Variants in PTPRB observed in about 807,000 individuals in gnomAD.
PTPRB encodes the protein receptor-type tyrosine-protein phosphatase beta.
PTPRB carries 97 observed loss-of-function variants against 238.1 expected under a neutral mutation model. The ratio of observed to expected loss-of-function variants is 0.41; its 90% confidence interval spans 0.35 to 0.48. PTPRB has a LOEUF of 0.48. PTPRB is among the 20% of genes least tolerant of loss of function. The pLI is 0.30. For synonymous variants in PTPRB, 970 were observed against 995.4 expected (o/e 0.97, Z 0.48); for missense variants, 2,292 against 2,681.9 (o/e 0.85, Z 3.21).
intron 19 of PTPRB, 57 bp downstream of exon 19, chr12:70,555,813 C>G: frequency 6.3e-7 from 1 of 1,579,120 alleles, no homozygotes; most frequent in Non-Finnish European, 8.6e-7. Context: ...GAGAAAGGTG[C>G]ACAGCCCCTT....
At chr12:70,522,949 G>A (rs577039949) in intron 33 of PTPRB, among the ~76,000 whole-genome samples, 8 of 138,664 alleles carry the variant, frequency 5.8e-5, no homozygotes, top group South Asian at 2.2e-4. Context: ...TGCAACCTTC[G>A]CCTCTCGGGT....
Position 70,581,269 on chromosome 12 carries a change from T to C in PTPRB, c.2345A>G (p.Asn782Ser). 1.2e-6 allele frequency: 2 copies of C among 1,613,904 alleles called. No homozygotes were observed. ...AAACAGACTACTGGTCATTCCTTGG[T>C]TGGCCACATGCAAGTCAGTCACTTG... is the stretch of plus-strand genomic sequence containing the variant. ...PAQVTDLHVA[N>S]QGMTSSLFTN... Residue 782 changes from asparagine to serine, a missense_variant, in exon 10 of 34, where the codon AAC (asparagine) becomes AGC (serine). Around this residue, in one of 4 missense-constraint regions of PTPRB, gnomAD observed 1,205 missense variants for 1,287.8 expected, o/e 0.94. Coordinates refer to ENST00000334414, the MANE Select transcript of PTPRB (RefSeq NM_001109754.4).
chr12:70,626,303 CTATCTATCTATCT>C lies in PTPRB; in HGVS notation c.452-3670_452-3658del, dbSNP rs1566023184. ...GGATGATGTCTATCCATCCATCTATCTATCTATCTATCTATCTATCTATCTATCTATCTATCTA... is the reference window on the plus strand; with the variant it reads ...GGATGATGTCTATCCATCCATCTATCATCTATCTATCTATCTATCTATCTA... On this transcript the variant is annotated intron_variant, in intron 2 of 33. Transcript: ENST00000334414. 3.9e-3 allele frequency among the ~76,000 whole-genome samples: 276 copies of C among 70,990 alleles called. 15 individuals carry two copies. Among genetic ancestry groups the C allele is most frequent in the African/African-American group, 0.014 (245 of 17,698 alleles). The allele number at this position is 70,990 out of a possible 152,430, so 46.6% of individuals were successfully genotyped here.
intron 33 of PTPRB, 55 bp downstream of exon 33, chr12:70,524,414 CAG>C: frequency 1.3e-6 from 2 of 1,523,276 alleles, no homozygotes; most frequent in Non-Finnish European, 1.8e-6. Flanking sequence ...TATGCCTGGC[CAG>C]ATTGACCATA....
At chr12:70,524,125 T>A (rs1871990265) in intron 33 of PTPRB, among the ~76,000 whole-genome samples, 1 of 152,038 alleles carries the variant, frequency 6.6e-6, no homozygotes, top group Non-Finnish European at 1.5e-5. Context: ...TCTTTTTTCT[T>A]AGAGGCAGGA....
rs1878209952 is a variant in PTPRB, at chr12:70,559,685, A to G, written c.4433-61T>C. On this transcript the variant is annotated intron_variant, in intron 17 of 33. Coordinates refer to ENST00000334414, the MANE Select transcript of PTPRB (RefSeq NM_001109754.4). The stretch of plus-strand genomic sequence containing the variant: ...CAGCTATGCCATAACATATACAAAT[A>G]AGATAGCTGAGCAACATCAGACACA... 33 of 1,451,864 alleles carry G rather than the reference A, an allele frequency of 2.3e-5. No homozygotes were observed. In the South Asian group the frequency reaches 3.8e-4, roughly 17 times the overall value. The allele number at this position is 1,451,864 out of a possible 1,614,324, so 89.9% of individuals were successfully genotyped here.
chr12:70,626,115 A>G (rs1050211292), intron 2 of PTPRB, among the ~76,000 whole-genome samples: 2 of 150,918 alleles, frequency 1.3e-5, no homozygotes, highest in African/African-American at 5.0e-5. Context: ...AAGCATGTTG[A>G]AAACAAAATA....
intron 15 of PTPRB, among the ~76,000 whole-genome samples, chr12:70,566,036 G>C (rs537315089): frequency 3.9e-4 from 59 of 152,208 alleles, no homozygotes; most frequent in African/African-American, 1.4e-3. Context: ...AGCTGAAAAA[G>C]GCAAGGAGTG....
At chr12:70,555,584 C>T (rs1408519953) in intron 19 of PTPRB, among the ~76,000 whole-genome samples, 1 of 152,156 alleles carries the variant, frequency 6.6e-6, no homozygotes, top group Non-Finnish European at 1.5e-5. Flanking sequence ...TGCTTAAGAG[C>T]TCCATTATAG....
intron 4 of PTPRB, among the ~76,000 whole-genome samples, chr12:70,606,616 G>T (rs1009023506): frequency 1.3e-5 from 2 of 152,156 alleles, no homozygotes; most frequent in Non-Finnish European, 2.9e-5. Flanking sequence ...TTTGAAGTTT[G>T]TCTGAGTTTG....
chr12:70,588,382 C>T lies in PTPRB; in HGVS notation c.2051-1115G>A, dbSNP rs1279626683. ...GGTGCAGTGCCTCATGCCAGTAATCCCAGCACTTTGGGAGGTTGAGGCGGG... is the reference window on the plus strand; with the variant it reads ...GGTGCAGTGCCTCATGCCAGTAATCTCAGCACTTTGGGAGGTTGAGGCGGG... On this transcript the variant is annotated intron_variant, in intron 8 of 33. Transcript: ENST00000334414. Among the ~76,000 whole-genome samples, 3 of 152,078 alleles carry T rather than the reference C, an allele frequency of 2.0e-5. No individual in the cohort carries two copies. In the South Asian group the frequency reaches 6.2e-4, roughly 32 times the overall value.
rs745519352 is a variant in PTPRB at position 70,544,653 on chromosome 12, G to T, written c.5398C>A (p.Arg1800=). 3 of 1,573,290 alleles carry T rather than the reference G, an allele frequency of 1.9e-6. No homozygotes were observed. The highest frequency in any genetic ancestry group is 2.0e-5 in the Admixed American group (1 of 48,988). ...KPHTAYRISI[R]AFTQLFDEDL... is the part of the protein sequence containing the mutation. ...TCATCAAAGAGCTGTGTAAAAGCTC[G>T]AATGCTGATTCTGAAAAGAAAACCG... The change falls in exon 22 of 34, where the codon CGA becomes AGA. Residue 1800 remains arginine, a synonymous_variant. Coordinates refer to ENST00000334414, the MANE Select transcript of PTPRB (RefSeq NM_001109754.4).
At chr12:70,545,899 G>A (rs1182937367) in intron 21 of PTPRB, among the ~76,000 whole-genome samples, 2 of 152,192 alleles carry the variant, frequency 1.3e-5, no homozygotes, top group Non-Finnish European at 2.9e-5. Flanking sequence ...CACTTTGGGA[G>A]GCCAAGGCAG....
intron 22 of PTPRB, among the ~76,000 whole-genome samples, chr12:70,543,221 G>A (rs544227344): frequency 2.4e-4 from 36 of 152,254 alleles, no homozygotes; most frequent in Admixed American, 1.0e-3. Context: ...TTGTAAAAGT[G>A]TTACTGTGTT....
chr12:70,609,337 A>G lies in PTPRB; in HGVS notation c.711T>C (p.Thr237=). Residue 237 remains threonine (T), a splice_region_variant and synonymous_variant, in exon 4 of 34, where the codon ACT becomes ACC. Transcript: ENST00000334414. The part of the protein sequence containing the change: ...TQPFSSTTEE[T]GLAEPERCNF... ...TACATCTCTCTGGCTCCGCCAGTCC[A>G]GTCTGCAAAGGAATCAGACACAACA... The G allele has an allele frequency of 6.2e-7, 1 of 1,613,600 alleles. No homozygotes were observed. The highest frequency in any genetic ancestry group is 8.5e-7 in the Non-Finnish European group (1 of 1,179,712).
intron 15 of PTPRB, among the ~76,000 whole-genome samples, chr12:70,564,671 G>A (rs931518043): frequency 6.6e-6 from 1 of 151,516 alleles, no homozygotes; most frequent in Admixed American, 6.6e-5. Flanking sequence ...GTGTCTACAA[G>A]AAAATACAAA....
At chr12:70,534,805 G>T in intron 30 of PTPRB, 28 bp downstream of exon 30, 1 of 1,611,142 alleles carries the variant, frequency 6.2e-7, no homozygotes, top group Non-Finnish European at 8.5e-7. Flanking sequence ...CCCCAAGCTC[G>T]GTTGTTAAGT....
At chr12:70,577,923 T>C (rs1472738547) in intron 10 of PTPRB, among the ~76,000 whole-genome samples, 4 of 152,192 alleles carry the variant, frequency 2.6e-5, no homozygotes, top group South Asian at 2.1e-4. Context: ...TTTGCTTTCT[T>C]TCCTTCCTTT....
chr12:70,529,067 A>G (rs992364621), intron 32 of PTPRB, among the ~76,000 whole-genome samples: 1 of 152,062 alleles, frequency 6.6e-6, no homozygotes. Context: ...TATCACAAAG[A>G]ATGAAGACTG....
Sources: allele counts gnomAD v4.1 joint callset (sites outside exome capture counted in the v4.1 genomes callset), GRCh38; gene constraint gnomAD v4.1.1; regional missense constraint gnomAD v4.1.1; transcripts MANE v1.5; gene names NCBI Gene and HGNC (gene_info 2026-07-23, HGNC 2026-07-21).